Variants in THOC5 observed in about 807,000 individuals in gnomAD.
THOC5 encodes THO complex subunit 5.
In THOC5, 43 loss-of-function variants were observed where a neutral mutation model predicts 92.9. The ratio of observed to expected loss-of-function variants is 0.46; its 90% CI spans 0.36 to 0.60. The LOEUF is 0.60. Ranked by LOEUF, THOC5 falls within the 20% of genes least tolerant of loss-of-function variation. The probability of loss-of-function intolerance (pLI) is 0.00; values close to 1 mark genes in which losing one functional copy is unlikely to be tolerated. For synonymous variants in THOC5, 296 were observed against 320.1 expected, an observed-to-expected ratio of 0.92 and a Z score of 0.80; for missense variants, 659 against 849.4, an observed-to-expected ratio of 0.78 and a Z score of 2.79.
chr22:29,548,973 AGCT>A, intron 2 of THOC5, 76 bp downstream of exon 2: 2 of 1,427,266 alleles, frequency 1.4e-6, no homozygotes, highest in Non-Finnish European at 1.9e-6. Context: ...TGCGACCCCG[AGCT>A]GCTGCAAACA....
chr22:29,510,269 G>A (rs144017588), intron 19 of THOC5, among the ~76,000 whole-genome samples: 76 of 152,270 alleles, frequency 5.0e-4, no homozygotes, highest in African/African-American at 1.7e-3. Context: ...GCTTCATCAT[G>A]AGCTAGAAGG....
At chr22:29,509,275 CAAAA>C (rs59981269) in intron 19 of THOC5, among the ~76,000 whole-genome samples, 2 of 70,920 alleles carry the variant, frequency 2.8e-5, no homozygotes. Flanking sequence ...GACTCTGTCT[CAAAA>C]AAAAAAAAAA....
chr22:29,539,449 G>A lies in THOC5; in HGVS notation c.480C>T (p.Val160=), dbSNP rs757061466. ...FKSKHEEIDL[V]SLEEFYKEAP... is the part of the protein sequence containing the mutation. ...CCTCCTTATAAAACTCCTCTAAACT[G>A]ACCAGATCAATTTCTTCATGCTTTG... Residue 160 remains valine, a synonymous_variant, in exon 6 of 20, where the codon GTC becomes GTT. Coordinates refer to ENST00000490103, the MANE Select transcript of THOC5 (RefSeq NM_003678.5). The A allele has an allele frequency of 6.2e-7, 1 of 1,613,786 alleles. No individual in the cohort carries two copies. Among genetic ancestry groups the A allele is most frequent in the Non-Finnish European group, 8.5e-7 (1 of 1,179,938 alleles).
At chr22:29,548,992 C>T (rs1345100679) in intron 2 of THOC5, 60 bp downstream of exon 2, 14 of 1,552,870 alleles carry the variant, frequency 9.0e-6, no homozygotes, top group African/African-American at 6.8e-5. Context: ...AAACACACAG[C>T]CAGGTGCTTG....
intron 1 of THOC5, among the ~76,000 whole-genome samples, chr22:29,551,381 C>A (rs2064139441): frequency 6.6e-6 from 1 of 152,062 alleles, no homozygotes; most frequent in Admixed American, 6.6e-5. Flanking sequence ...TTGCAATGAG[C>A]CGAGATCGCA....
chr22:29,520,554 G>A (rs140154928), intron 13 of THOC5, among the ~76,000 whole-genome samples: 1 of 152,122 alleles, frequency 6.6e-6, no homozygotes, highest in Admixed American at 6.5e-5. Context: ...GGAGTACAGC[G>A]ACATGACCAT....
intron 17 of THOC5, among the ~76,000 whole-genome samples, chr22:29,516,052 A>C (rs1332245475): frequency 6.6e-6 from 1 of 151,766 alleles, no homozygotes; most frequent in Non-Finnish European, 1.5e-5. Flanking sequence ...AGGTGGAAGA[A>C]GGATTGCTTG....
intron 18 of THOC5, 40 bp from the exon 19 acceptor site, chr22:29,511,336 T>C (rs2063217742): frequency 2.5e-6 from 4 of 1,586,482 alleles, no homozygotes; most frequent in Non-Finnish European, 3.4e-6. Flanking sequence ...ACTACCTTCC[T>C]GCATGTGGGG....
At chr22:29,537,657 C>T (rs760418584) in intron 6 of THOC5, among the ~76,000 whole-genome samples, 127 of 151,722 alleles carry the variant, frequency 8.4e-4, no homozygotes, top group Non-Finnish European at 1.3e-3. Flanking sequence ...TTTGGGAAGC[C>T]GAGGCAGGTG....
chr22:29,541,876 AAAAAAAAAAAAAAAAAAATATATAT>A (rs1743949956), intron 5 of THOC5, among the ~76,000 whole-genome samples: 2 of 72,290 alleles, frequency 2.8e-5, no homozygotes, highest in African/African-American at 4.4e-5. Flanking sequence ...AAAAAAAAAA[AAAAAAAAAAAAAAAAAAATATATAT>A]ATATATATAT....
chr22:29,531,678 T>C, intron 8 of THOC5, 153 bp downstream of exon 8: 12 of 1,449,940 alleles, frequency 8.3e-6, no homozygotes, highest in Non-Finnish European at 1.1e-5. Flanking sequence ...AGAGCAGCCA[T>C]GCTGGGCAAT....
At chr22:29,541,878 AAAAAAAAAAAAAAAAATATATATATAT>A (rs2063898702) in intron 5 of THOC5, among the ~76,000 whole-genome samples, 1 of 96,816 alleles carries the variant, frequency 1.0e-5, no homozygotes, top group African/African-American at 3.8e-5. Flanking sequence ...AAAAAAAAAA[AAAAAAAAAAAAAAAAATATATATATAT>A]ATATATATAT....
intron 13 of THOC5, 28 bp downstream of exon 13, chr22:29,520,970 C>A (rs2063430043): frequency 6.4e-7 from 1 of 1,563,260 alleles, no homozygotes; most frequent in East Asian, 2.2e-5. Context: ...AAGTAGAGAG[C>A]TCGGAGAGGA....
At position 29,505,953 on chromosome 22, in the gene THOC5, G is replaced by C. The variant is rs561313764; in HGVS notation, c.*2504C>G. The C allele has an allele frequency of 1.3e-5, 2 of 151,838 alleles. No individual in the cohort carries two copies. The highest frequency in any genetic ancestry group is 2.4e-5 in the African/African-American group (1 of 41,316). The allele number at this position is 151,838 out of a possible 1,614,324, so 9.4% of individuals were successfully genotyped here. A position where few individuals can be genotyped will look rare whatever the true frequency, so the allele number is the denominator to read the frequency against. ...CGGCTCAGTGCAACCTCCGCCTCGG[G>C]GATTCAAGCAATTCTCCTGCCTCAG... On this transcript the variant is annotated 3_prime_UTR_variant, in exon 20 of 20. Coordinates refer to ENST00000490103, the MANE Select transcript of THOC5 (RefSeq NM_003678.5).
At chr22:29,530,290 G>A (rs2063626153) in intron 8 of THOC5, among the ~76,000 whole-genome samples, 2 of 151,666 alleles carry the variant, frequency 1.3e-5, no homozygotes, top group Non-Finnish European at 2.9e-5. Flanking sequence ...AGGCCAAGGT[G>A]AGTGGATCAC....
At chr22:29,513,650 C>G (rs1415484404) in intron 17 of THOC5, among the ~76,000 whole-genome samples, 1 of 152,018 alleles carries the variant, frequency 6.6e-6, no homozygotes, top group African/African-American at 2.4e-5. Flanking sequence ...GATCATGCCA[C>G]TGTACTCCAG....
At chr22:29,534,283 A>G (rs2063710981) in intron 7 of THOC5, among the ~76,000 whole-genome samples, 1 of 152,202 alleles carries the variant, frequency 6.6e-6, no homozygotes, top group Non-Finnish European at 1.5e-5. Flanking sequence ...GAGGGAAGAT[A>G]GGGACTGCGA....
chr22:29,545,821 C>T (rs896903052), intron 2 of THOC5, among the ~76,000 whole-genome samples: 23 of 152,162 alleles, frequency 1.5e-4, no homozygotes, highest in African/African-American at 5.3e-4. Flanking sequence ...GCAAGCCGTT[C>T]GTGGATCTAC....
intron 2 of THOC5, among the ~76,000 whole-genome samples, chr22:29,546,687 A>C (rs1232927814): frequency 6.6e-6 from 1 of 151,768 alleles, no homozygotes; most frequent in Non-Finnish European, 1.5e-5. Flanking sequence ...TGATCCACCC[A>C]GCTCGGCCTC....
Sources: allele counts gnomAD v4.1 joint callset (sites outside exome capture counted in the v4.1 genomes callset), GRCh38; gene constraint gnomAD v4.1.1; transcripts MANE v1.5; gene names NCBI Gene and HGNC (gene_info 2026-07-23, HGNC 2026-07-21).